SELENOV: variants seen among roughly 807,000 people sequenced by gnomAD.
SELENOV encodes selenoprotein V.
Under a neutral mutation model 21.6 loss-of-function variants are expected in SELENOV, and 25 were observed. The ratio of observed to expected loss-of-function variants is 1.16; its 90% CI spans 0.84 to 1.62. The LOEUF (loss-of-function observed/expected upper bound fraction) is 1.62, where lower values mean the gene tolerates loss of function less well. Among genes scored for constraint, SELENOV ranks in the 40% most tolerant of loss-of-function variants. The pLI, the probability that SELENOV is intolerant of heterozygous loss-of-function variation, is 0.00. For synonymous variants in SELENOV, 227 were observed against 216.9 expected (o/e 1.05, Z -0.41); for missense variants, 472 against 459.0 (o/e 1.03, Z -0.26).
At chr19:39,518,195 C>T (rs1240810116) in intron 1 of SELENOV, among the ~76,000 whole-genome samples, 2 of 147,984 alleles carry the variant, frequency 1.4e-5, no homozygotes, top group Admixed American at 6.8e-5. Context: ...GGCGTGAACC[C>T]GGGAGGCGGA....
intron 1 of SELENOV, among the ~76,000 whole-genome samples, chr19:39,518,294 C>CAAAAAAAAAAAAAAAAAAAAAAAAAAAAA (rs56055153): frequency 9.3e-6 from 1 of 107,184 alleles, no homozygotes; most frequent in African/African-American, 3.4e-5. Flanking sequence ...AACAAAAAAA[C>CAAAAAAAAAAAAAAAAAAAAAAAAAAAAA]AAAAAAAAAA....
rs780708032 is a variant in SELENOV at position 39,518,286 on chromosome 19, C to CAAAAAAAAAA, written c.810-315_810-314insAAAAAAAAAA. ...ACTCCGTCTCAAAAAAACAAAAAAA[C>CAAAAAAAAAA]AAAAAAACAAAAAAAAAAGAGAGAG... On this transcript the variant is annotated intron_variant, in intron 1 of 5. Coordinates refer to ENST00000335426, the Ensembl canonical transcript of SELENOV. Among the ~76,000 whole-genome samples the CAAAAAAAAAA allele has an allele frequency of 1.7e-4, 19 of 112,142 alleles. 1 individual carries two copies. The highest frequency in any genetic ancestry group is 3.4e-4 in the Admixed American group (4 of 11,820). The allele number at this position is 112,142 out of a possible 152,430, so 73.6% of individuals were successfully genotyped here. A position where few individuals can be genotyped will look rare whatever the true frequency, so the allele number is the denominator to read the frequency against.
intron 1 of SELENOV, 61 bp downstream of exon 1, chr19:39,516,082 G>T (rs1388430803): frequency 2.4e-5 from 35 of 1,441,048 alleles, no homozygotes; most frequent in Non-Finnish European, 3.0e-5. Flanking sequence ...TGGGGGCTGG[G>T]TCTCCGGGGA....
chr19:39,519,748 G>A (rs1419705679), intron 5 of SELENOV, among the ~76,000 whole-genome samples: 5 of 151,734 alleles, frequency 3.3e-5, no homozygotes, highest in East Asian at 1.9e-4. Flanking sequence ...GGCGGGTCAC[G>A]AGGTCAGGAG....
chr19:39,517,848 C>T (rs751745772), intron 1 of SELENOV, among the ~76,000 whole-genome samples: 8 of 150,600 alleles, frequency 5.3e-5, no homozygotes, highest in African/African-American at 1.2e-4. Flanking sequence ...CCTGTAATCC[C>T]GGCTACTTGG....
rs1400747088 is a variant in SELENOV, at chr19:39,515,572, C to G, written c.360C>G (p.Val120=). The change falls in exon 1 of 6, where the codon GTC becomes GTG. Residue 120 remains valine (V), a synonymous_variant. Coordinates refer to ENST00000335426, the Ensembl canonical transcript of SELENOV. The surrounding 1 kb of genome is among the most constrained non-coding windows in gnomAD (Gnocchi z 5.1). ...CGGCTCGGACCCTGACTCCTCCAGT[C>G]CGGGTCCCAGCCCCAGCCCCAGCCC... 9.0e-6 allele frequency: 14 copies of G among 1,549,438 alleles called. No individual in the cohort carries two copies. The East Asian group carries it at 3.4e-4, about 38-fold the overall frequency.
At position 39,519,152 on chromosome 19, in the gene SELENOV, G is replaced by T. The variant is rs562103839; in HGVS notation, c.*4G>T. 1.4e-5 allele frequency: 23 copies of T among 1,613,424 alleles called. No individual in the cohort carries two copies. The Admixed American group carries it at 3.8e-4, about 27-fold the overall frequency. ...TGAGGAAATCAAGAAAAGGTAGCCG[G>T]CAAGGGGTGGAGCTGGAGGTGAGCG... On this transcript the variant is annotated 3_prime_UTR_variant, in exon 5 of 6. Transcript: ENST00000335426.
At chr19:39,520,641 A>AC (rs2079723644) in exon 6 of SELENOV, 2 of 151,946 alleles carry the variant, frequency 1.3e-5, no homozygotes, top group South Asian at 2.1e-4. Context: ...ACATAGTGAG[A>AC]CCCCAACTCT....
chr19:39,519,693 G>A (rs1184381873), intron 5 of SELENOV, among the ~76,000 whole-genome samples: 1 of 151,322 alleles, frequency 6.6e-6, no homozygotes, highest in Admixed American at 6.6e-5. Flanking sequence ...GTGCCGGGCG[G>A]GATGGCTCAC....
Position 39,515,725 on chromosome 19 carries a change from G to A in SELENOV, c.513G>A (p.Pro171=), listed in dbSNP as rs1568454547. The A allele has an allele frequency of 1.9e-6, 3 of 1,549,356 alleles. No individual in the cohort carries two copies. The South Asian group carries it at 3.6e-5, about 18-fold the overall frequency. Residue 171 remains proline (P), a synonymous_variant, in exon 1 of 6, where the codon CCG becomes CCA. Transcript: ENST00000335426. This position sits in a 1 kb window ranked among gnomAD's most constrained non-coding sequence, Gnocchi z 5.1. ...TGTTGCCCGAGGAGGACCCTGAGCCGGCGCCGAGCCTGAAGCTCATCCCGT... is the reference window on the plus strand; with the variant it reads ...TGTTGCCCGAGGAGGACCCTGAGCCAGCGCCGAGCCTGAAGCTCATCCCGT...
Position 39,515,392 on chromosome 19 carries a change from G to A in SELENOV, c.180G>A (p.Leu60=), listed in dbSNP as rs1477680788. 3.2e-6 allele frequency: 5 copies of A among 1,551,462 alleles called. No individual in the cohort carries two copies. Among genetic ancestry groups the A allele is most frequent in the Non-Finnish European group, 4.4e-6 (5 of 1,146,922 alleles). ...CGTCTCCAGCCGGGACTTCCCCTCT[G>A]GTCCTGACTCCTGCTCCAGCCCAGA... The change falls in exon 1 of 6, where the codon CTG becomes CTA. Residue 60 remains leucine (L), a synonymous_variant. Transcript: ENST00000335426. The surrounding 1 kb of genome is among the most constrained non-coding windows in gnomAD (Gnocchi z 5.1).
intron 1 of SELENOV, 186 bp from the exon 2 acceptor site, chr19:39,518,422 G>A: frequency 1.6e-6 from 1 of 639,668 alleles, no homozygotes; most frequent in Non-Finnish European, 2.8e-6. Context: ...ATCCTGTGGT[G>A]GCTTGCAGGC....
chr19:39,519,028 C>G, intron 4 of SELENOV, 43 bp from the exon 5 acceptor site: 2 of 1,612,686 alleles, frequency 1.2e-6, no homozygotes, highest in Non-Finnish European at 1.7e-6. Flanking sequence ...TGCTGAGGTC[C>G]TGGGGGTGGG....
chr19:39,518,821 G>C, intron 3 of SELENOV, 28 bp downstream of exon 3: 2 of 1,611,364 alleles, frequency 1.2e-6, no homozygotes. Context: ...CTGGGGGAGA[G>C]GGGGGTGGTC....
chr19:39,515,815 C>T lies in SELENOV; in HGVS notation c.603C>T (p.Asn201=). ...CCACGCGCACCCCGCTGGCCGCGAA[C>T]TCACCCGGGCCCACCCTGGACTTCA... The change falls in exon 1 of 6, where the codon AAC becomes AAT. Residue 201 remains asparagine, a synonymous_variant. Transcript: ENST00000335426. This position sits in a 1 kb window ranked among gnomAD's most constrained non-coding sequence, Gnocchi z 5.1. 4 of 1,550,124 alleles carry T rather than the reference C, an allele frequency of 2.6e-6. No individual in the cohort carries two copies. The highest frequency in any genetic ancestry group is 3.5e-6 in the Non-Finnish European group (4 of 1,146,616).
rs1016228121 is a variant in SELENOV, at chr19:39,515,837, T to G, written c.625T>G (p.Phe209Val). 6.4e-7 allele frequency: 1 copy of G among 1,551,304 alleles called. No individual in the cohort carries two copies. Among genetic ancestry groups the G allele is most frequent in the Non-Finnish European group, 8.7e-7 (1 of 1,147,334 alleles). Residue 209 changes from phenylalanine (F) to valine (V), a missense_variant, in exon 1 of 6, where the codon TTC becomes GTC. Physicochemically the swap from Phe to Val is conservative, Grantham distance 50. Transcript: ENST00000335426. This position sits in a 1 kb window ranked among gnomAD's most constrained non-coding sequence, Gnocchi z 5.1. ...GAACTCACCCGGGCCCACCCTGGAC[T>G]TCACCTTCAGGGCAGACCCGTCGGC...
chr19:39,515,531 A>C lies in SELENOV; in HGVS notation c.319A>C (p.Thr107Pro). Residue 107 changes from threonine (T) to proline (P), a missense_variant, in exon 1 of 6, where the codon ACT becomes CCT. Coordinates refer to ENST00000335426, the Ensembl canonical transcript of SELENOV. The surrounding 1 kb of genome is among the most constrained non-coding windows in gnomAD (Gnocchi z 5.1). ...GACTCCCGTTCCCGTCCGGAACCCA[A>C]CTCCGGTCCCGACTCCGGCTCGGAC... 6.5e-7 allele frequency: 1 copy of C among 1,548,756 alleles called. No individual in the cohort carries two copies. Among genetic ancestry groups the C allele is most frequent in the Non-Finnish European group, 8.7e-7 (1 of 1,146,446 alleles).
intron 1 of SELENOV, chr19:39,516,367 T>C (rs1167069722): frequency 7.0e-6 from 3 of 426,734 alleles, no homozygotes; most frequent in African/African-American, 2.0e-5. Flanking sequence ...CCGCACATGA[T>C]AGGGGCTCTG....
Position 39,518,995 on chromosome 19 carries a change from T to C in SELENOV, c.963+18T>C, listed in dbSNP as rs760243794. 23 of 1,613,130 alleles carry C rather than the reference T, an allele frequency of 1.4e-5. No individual in the cohort carries two copies. The highest frequency in any genetic ancestry group is 1.6e-5 in the Non-Finnish European group (19 of 1,179,630). ...CCAAGAAGGTGATCCTGAGTAAAGG[T>C]CCGGGACAGGGAGGTGGGGTGGTGC... On this transcript the variant is annotated intron_variant, in intron 4 of 5. Coordinates refer to ENST00000335426, the Ensembl canonical transcript of SELENOV.
Sources: gnomAD v4.1 joint callset for allele counts (sites outside exome capture counted in the v4.1 genomes callset) on GRCh38, gnomAD v4.1.1 for gene constraint, Gnocchi (gnomAD v3.1) non-coding constraint, MANE v1.5 for transcripts, NCBI Gene and HGNC (gene_info 2026-07-23, HGNC 2026-07-21) for gene names.